UNC5D: variants seen among roughly 807,000 people sequenced by gnomAD.
The protein encoded by UNC5D is netrin receptor UNC5D.
UNC5D carries 39 observed loss-of-function variants against 105.4 expected under a neutral mutation model. The ratio of observed to expected loss-of-function variants is 0.37; its 90% CI spans 0.29 to 0.48. UNC5D has a LOEUF of 0.48. Ranked by LOEUF, UNC5D falls within the 20% of genes least tolerant of loss-of-function variation. UNC5D has a pLI of 0.98. For synonymous variants in UNC5D, 452 were observed against 450.4 expected (o/e 1.00, Z -0.04); for missense variants, 991 against 1,202.4 (o/e 0.82, Z 2.60).
At position 35,796,367 on chromosome 8, in the gene UNC5D, A is replaced by G. The variant is rs1340988251; in HGVS notation, c.*5804A>G. On this transcript the variant is annotated 3_prime_UTR_variant, in exon 17 of 17. Coordinates refer to ENST00000404895, the MANE Select transcript of UNC5D (RefSeq NM_080872.4). ...ATATACATATATATTTGGTAATGCC[A>G]AACAGCTCTGTTATATTGTATTGAA... The G allele has an allele frequency of 6.6e-6, 1 of 150,918 alleles. No homozygotes were observed. Among genetic ancestry groups the G allele is most frequent in the Non-Finnish European group, 1.5e-5 (1 of 67,856 alleles). 9.3% of individuals were successfully genotyped at this position (150,918 alleles called of 1,614,324 possible).
chr8:35,470,526 T>A (rs1175266542), intron 1 of UNC5D, among the ~76,000 whole-genome samples: 1 of 145,800 alleles, frequency 6.9e-6, no homozygotes, highest in Non-Finnish European at 1.5e-5. Flanking sequence ...GAGGCTGAGG[T>A]GGGATGATCA....
At chr8:35,288,083 A>G (rs1806744533) in intron 1 of UNC5D, among the ~76,000 whole-genome samples, 1 of 139,232 alleles carries the variant, frequency 7.2e-6, no homozygotes, top group Non-Finnish European at 1.5e-5. Context: ...CCAAATCTGG[A>G]GACAGATAAT....
intron 1 of UNC5D, among the ~76,000 whole-genome samples, chr8:35,336,144 A>G (rs1811020484): frequency 6.6e-6 from 1 of 152,210 alleles, no homozygotes; most frequent in Non-Finnish European, 1.5e-5. Flanking sequence ...GTTAGTAAAT[A>G]TCTATGTATA....
At chr8:35,602,698 T>G (rs1017183588) in intron 4 of UNC5D, among the ~76,000 whole-genome samples, 1 of 152,204 alleles carries the variant, frequency 6.6e-6, no homozygotes, top group Non-Finnish European at 1.5e-5. Flanking sequence ...TTTTTCTTCT[T>G]TATTAGTCTT....
At chr8:35,420,573 A>G (rs1043584146) in intron 1 of UNC5D, among the ~76,000 whole-genome samples, 7 of 152,182 alleles carry the variant, frequency 4.6e-5, no homozygotes, top group African/African-American at 7.2e-5. Flanking sequence ...GGAAGCCACA[A>G]CTCAGGAGCA....
chr8:35,334,438 G>A (rs1810863684), intron 1 of UNC5D, among the ~76,000 whole-genome samples: 1 of 152,024 alleles, frequency 6.6e-6, no homozygotes, highest in Non-Finnish European at 1.5e-5. Context: ...ATAGACTCTG[G>A]TGGTTAAGGG....
intron 4 of UNC5D, among the ~76,000 whole-genome samples, chr8:35,622,009 C>A (rs1465759025): frequency 2.0e-5 from 3 of 152,212 alleles, no homozygotes; most frequent in Non-Finnish European, 4.4e-5. Context: ...ACTTAAAAGG[C>A]AACAGGCTTG....
chr8:35,518,437 C>G (rs1563493719), intron 1 of UNC5D, among the ~76,000 whole-genome samples: 2 of 151,070 alleles, frequency 1.3e-5, no homozygotes, highest in African/African-American at 4.9e-5. Flanking sequence ...CAGAATATAT[C>G]CTTCTGCAAC....
Position 35,792,870 on chromosome 8 carries a change from G to A in UNC5D, c.*2307G>A, listed in dbSNP as rs1182151284. ...ACATTTTAAGTATTTTTAAATAGAT[G>A]AAAATTCTAAATGATTTTCCCTCAA... On this transcript the variant is annotated 3_prime_UTR_variant, in exon 17 of 17. Coordinates refer to ENST00000404895, the MANE Select transcript of UNC5D (RefSeq NM_080872.4). 5.6e-6 allele frequency: 2 copies of A among 360,042 alleles called. No individual in the cohort carries two copies. Among genetic ancestry groups the A allele is most frequent in the Non-Finnish European group, 1.1e-5 (2 of 189,052 alleles). The allele number at this position is 360,042 out of a possible 1,614,324, so 22.3% of individuals were successfully genotyped here.
chr8:35,399,816 GAA>G (rs1235374516), intron 1 of UNC5D, among the ~76,000 whole-genome samples: 1 of 152,102 alleles, frequency 6.6e-6, no homozygotes, highest in Non-Finnish European at 1.5e-5. Flanking sequence ...CTATAAGGAT[GAA>G]AGATGAAATA....
chr8:35,611,754 C>T (rs1343847474), intron 4 of UNC5D, among the ~76,000 whole-genome samples: 1 of 152,168 alleles, frequency 6.6e-6, no homozygotes, highest in African/African-American at 2.4e-5. Context: ...ATGTTTGACC[C>T]TTGTTGTTTA....
rs371200232 is a variant in UNC5D, at chr8:35,393,335, G to A, written c.104-155957G>A. Among the ~76,000 whole-genome samples the A allele has an allele frequency of 9.3e-3, 1,407 of 150,482 alleles. 20 individuals carry two copies. The highest frequency in any genetic ancestry group is 0.08 in the South Asian group (377 of 4,716). ...TTTTTAGTAGAGACGGGGTTTCACCGTGTTAGCCAGGATGGTCTCGATCTC... is the reference window on the plus strand; with the variant it reads ...TTTTTAGTAGAGACGGGGTTTCACCATGTTAGCCAGGATGGTCTCGATCTC... On this transcript the variant is annotated intron_variant, in intron 1 of 16. Coordinates refer to ENST00000404895, the MANE Select transcript of UNC5D (RefSeq NM_080872.4).
At chr8:35,525,542 T>G in intron 1 of UNC5D, 1 of 1,612,436 alleles carries the variant, frequency 6.2e-7, no homozygotes, top group Non-Finnish European at 8.5e-7. Flanking sequence ...GAGGAGGGGT[T>G]TCTGTTCGGT....
At chr8:35,357,421 T>A (rs1365959937) in intron 1 of UNC5D, among the ~76,000 whole-genome samples, 4 of 152,160 alleles carry the variant, frequency 2.6e-5, no homozygotes, top group African/African-American at 9.6e-5. Context: ...GAACATTGGG[T>A]TGCAACACTT....
intron 1 of UNC5D, among the ~76,000 whole-genome samples, chr8:35,299,360 A>G (rs1217120619): frequency 6.6e-6 from 1 of 152,182 alleles, no homozygotes; most frequent in Non-Finnish European, 1.5e-5. Flanking sequence ...AGAGCCTTGC[A>G]AGAGTATTCA....
intron 1 of UNC5D, among the ~76,000 whole-genome samples, chr8:35,257,351 A>G (rs1045157974): frequency 1.3e-5 from 2 of 152,092 alleles, no homozygotes; most frequent in Non-Finnish European, 2.9e-5. Flanking sequence ...CTGTTTCCCC[A>G]TTCGGTGCCT....
intron 2 of UNC5D, among the ~76,000 whole-genome samples, chr8:35,557,048 G>T (rs1422507326): frequency 6.6e-6 from 1 of 152,210 alleles, no homozygotes; most frequent in Non-Finnish European, 1.5e-5. Flanking sequence ...GAAGCAACAG[G>T]ATTGGAAATC....
chr8:35,285,769 G>A (rs1806550451), intron 1 of UNC5D, among the ~76,000 whole-genome samples: 1 of 152,178 alleles, frequency 6.6e-6, no homozygotes, highest in South Asian at 2.1e-4. Context: ...GAGATAGCCA[G>A]GGGAATCCAC....
chr8:35,753,071 C>A (rs1339184986), intron 13 of UNC5D, among the ~76,000 whole-genome samples: 1 of 152,162 alleles, frequency 6.6e-6, no homozygotes, highest in Admixed American at 6.5e-5. Context: ...TCTATTTTCA[C>A]CTCTACCATA....
Sources: allele counts gnomAD v4.1 joint callset (sites outside exome capture counted in the v4.1 genomes callset), GRCh38; gene constraint gnomAD v4.1.1; transcripts MANE v1.5; gene names NCBI Gene and HGNC (gene_info 2026-07-23, HGNC 2026-07-21).